Variants in BCAS3 observed in about 807,000 individuals in gnomAD.
The protein encoded by BCAS3 is BCAS4/BCAS3 fusion.
In BCAS3, 53 loss-of-function variants were observed where a neutral mutation model predicts 116.1. The observed-to-expected ratio is 0.46, with a 90% CI of 0.37 to 0.57. The LOEUF is 0.57. Among genes scored for constraint, BCAS3 ranks in the 20% least tolerant of loss-of-function variants. The pLI is 0.00. For synonymous variants in BCAS3, 391 were observed against 408.2 expected, an observed-to-expected ratio of 0.96 and a Z score of 0.51; for missense variants, 917 against 1,165.4, an observed-to-expected ratio of 0.79 and a Z score of 3.10.
In BCAS3 at chr17:61,215,075, A is replaced by C. The variant is rs72832584; in HGVS notation, c.2425+130511A>C. 0.038 allele frequency among the ~76,000 whole-genome samples: 5,804 copies of C among 152,286 alleles called. 185 individuals carry two copies. Among genetic ancestry groups the C allele is most frequent in the Non-Finnish European group, 0.058 (3,974 of 68,024 alleles). ...TATAACTAACCAAGATTAATTTCACATATTATCTATTATTATAGTTTTTCC... is the reference window on the plus strand; with the variant it reads ...TATAACTAACCAAGATTAATTTCACCTATTATCTATTATTATAGTTTTTCC... On this transcript the variant is annotated intron_variant, in intron 22 of 23. Transcript: ENST00000407086. The surrounding 1 kb of genome is among the most constrained non-coding windows in gnomAD (Gnocchi z 4.8).
chr17:61,230,372 T>C (rs7213920), intron 22 of BCAS3, among the ~76,000 whole-genome samples: 13,235 of 152,158 alleles, frequency 0.087, 801 homozygotes, highest in African/African-American at 0.16. Flanking sequence ...CGGGGGCACA[T>C]GTGCAGGTTT....
intron 4 of BCAS3, among the ~76,000 whole-genome samples, chr17:60,692,481 A>G (rs1314792432): frequency 6.6e-6 from 1 of 152,036 alleles, no homozygotes; most frequent in East Asian, 1.9e-4. Flanking sequence ...TGACCTCGTG[A>G]TCCGCCCGTC....
intron 6 of BCAS3, among the ~76,000 whole-genome samples, chr17:60,796,007 T>C (rs1441421283): frequency 6.6e-6 from 1 of 152,180 alleles, no homozygotes; most frequent in Non-Finnish European, 1.5e-5. Context: ...TTGTTTTTAA[T>C]TTGGTCTATG....
rs1431625313 is a variant in BCAS3 at position 61,313,569 on chromosome 17, T to G, written c.2426-54758T>G. On this transcript the variant is annotated intron_variant, in intron 22 of 23. Coordinates refer to ENST00000407086, the MANE Select transcript of BCAS3 (RefSeq NM_017679.5). The surrounding 1 kb of genome is among the most constrained non-coding windows in gnomAD (Gnocchi z 4.3). ...ACGGGGATTTGTGTGGGCCAGACAA[T>G]GTAGGGGATTTATTTCCAAGGCTGG... Among the ~76,000 whole-genome samples the G allele has an allele frequency of 6.6e-6, 1 of 152,076 alleles. No individual in the cohort carries two copies. Among genetic ancestry groups the G allele is most frequent in the East Asian group, 1.9e-4 (1 of 5,178 alleles).
At chr17:60,860,800 A>G (rs1185656443) in intron 7 of BCAS3, among the ~76,000 whole-genome samples, 1 of 152,106 alleles carries the variant, frequency 6.6e-6, no homozygotes, top group African/African-American at 2.4e-5. Context: ...AGATGGTTGT[A>G]GGTGTGTGGC....
At position 61,344,425 on chromosome 17, in the gene BCAS3, C is replaced by T. The variant is rs1221734350; in HGVS notation, c.2426-23902C>T. ...CATCTGTGCACTGATGTTAGTGTCC[C>T]GTTGTCATTTAAGTCCTTGATTCTC... On this transcript the variant is annotated intron_variant, in intron 22 of 23. Transcript: ENST00000407086. The surrounding 1 kb of genome is among the most constrained non-coding windows in gnomAD (Gnocchi z 4.1). Among the ~76,000 whole-genome samples the T allele has an allele frequency of 6.6e-6, 1 of 152,056 alleles. No individual in the cohort carries two copies. The highest frequency in any genetic ancestry group is 1.5e-5 in the Non-Finnish European group (1 of 68,020).
chr17:60,849,828 C>G (rs2052909935), intron 7 of BCAS3, among the ~76,000 whole-genome samples: 1 of 152,142 alleles, frequency 6.6e-6, no homozygotes. Flanking sequence ...ACAATCATAG[C>G]ACATTGTATG....
chr17:60,885,679 T>G (rs1462857409), intron 9 of BCAS3, among the ~76,000 whole-genome samples: 1 of 148,990 alleles, frequency 6.7e-6, no homozygotes, highest in African/African-American at 2.5e-5. Flanking sequence ...GTCTGTAAAG[T>G]ATTTTATTTC....
intron 10 of BCAS3, among the ~76,000 whole-genome samples, chr17:60,892,225 A>C (rs1361547960): frequency 6.6e-6 from 1 of 151,534 alleles, no homozygotes; most frequent in Non-Finnish European, 1.5e-5. Context: ...AGAAATCTCC[A>C]TACTCTTTTC....
Position 60,678,326 on chromosome 17 carries a change from G to A in BCAS3, c.-6+412G>A, listed in dbSNP as rs148641842. The stretch of plus-strand genomic sequence containing the variant: ...GGCAGAGGGTGTTTTGGTTGTAGGA[G>A]GTGGGGCGCACAGGTTTAGAGTTTT... On this transcript the variant is annotated intron_variant, in intron 1 of 23. Coordinates refer to ENST00000407086, the MANE Select transcript of BCAS3 (RefSeq NM_017679.5). 5.0e-3 allele frequency among the ~76,000 whole-genome samples: 755 copies of A among 152,292 alleles called. 6 individuals are homozygous for A. Among genetic ancestry groups the A allele is most frequent in the Non-Finnish European group, 8.9e-3 (603 of 68,022 alleles).
intron 7 of BCAS3, among the ~76,000 whole-genome samples, chr17:60,812,198 A>G (rs1036022076): frequency 3.3e-5 from 5 of 152,242 alleles, no homozygotes; most frequent in Non-Finnish European, 7.3e-5. Context: ...TTTAGTAGCT[A>G]CTGTTGGGGA....
At chr17:61,089,946 G>C (rs963103677) in intron 22 of BCAS3, among the ~76,000 whole-genome samples, 1 of 152,096 alleles carries the variant, frequency 6.6e-6, no homozygotes, top group African/African-American at 2.4e-5. Context: ...GATGCTGATG[G>C]TAAAAATAAA....
intron 7 of BCAS3, among the ~76,000 whole-genome samples, chr17:60,825,943 C>A (rs896890317): frequency 6.6e-6 from 1 of 151,284 alleles, no homozygotes; most frequent in South Asian, 2.1e-4. Context: ...CTGTAACCTC[C>A]GCCTCCCAGG....
At chr17:60,898,280 T>C (rs924315672) in intron 10 of BCAS3, among the ~76,000 whole-genome samples, 4 of 152,202 alleles carry the variant, frequency 2.6e-5, no homozygotes, top group Non-Finnish European at 5.9e-5. Flanking sequence ...TTTTTCATGT[T>C]TCCTGTGTCT....
intron 22 of BCAS3, among the ~76,000 whole-genome samples, chr17:61,273,117 T>C (rs1028343526): frequency 6.6e-6 from 1 of 151,954 alleles, no homozygotes; most frequent in Non-Finnish European, 1.5e-5. Flanking sequence ...TTTATTTTTT[T>C]TTTTTTCTGA....
At chr17:60,929,726 C>G (rs1255190542) in intron 13 of BCAS3, among the ~76,000 whole-genome samples, 2 of 111,196 alleles carry the variant, frequency 1.8e-5, no homozygotes, top group African/African-American at 3.5e-5. Flanking sequence ...CCCCTCCCCC[C>G]ACCCCACAAC....
At chr17:60,880,955 T>TTTTTG (rs201038267) in intron 9 of BCAS3, among the ~76,000 whole-genome samples, 45,820 of 151,100 alleles carry the variant, frequency 0.3, 11,738 homozygotes, top group African/African-American at 0.71. Flanking sequence ...TTTCTTCTTT[T>TTTTTG]TTTTGTTTTG....
intron 6 of BCAS3, among the ~76,000 whole-genome samples, chr17:60,761,981 T>G (rs1388680147): frequency 2.6e-4 from 40 of 152,164 alleles, no homozygotes; most frequent in Admixed American, 2.6e-3. Flanking sequence ...TTTTCACGTG[T>G]CTGTTGGCTG....
intron 7 of BCAS3, among the ~76,000 whole-genome samples, chr17:60,847,659 T>A (rs2052657872): frequency 6.6e-6 from 1 of 152,210 alleles, no homozygotes. Flanking sequence ...TCTATTCAAT[T>A]CCTTTGCCCA....
Sources: gnomAD v4.1 joint callset for allele counts (sites outside exome capture counted in the v4.1 genomes callset) on GRCh38, gnomAD v4.1.1 for gene constraint, Gnocchi (gnomAD v3.1) non-coding constraint, MANE v1.5 for transcripts, NCBI Gene and HGNC (gene_info 2026-07-23, HGNC 2026-07-21) for gene names.